LRBA: variants seen among roughly 807,000 people sequenced by gnomAD.
LRBA encodes lipopolysaccharide-responsive and beige-like anchor protein.
Under a neutral mutation model 330.0 loss-of-function variants are expected in LRBA, and 176 were observed. The ratio of observed to expected loss-of-function variants is 0.53; its 90% CI spans 0.47 to 0.60. LRBA has a LOEUF of 0.60. LRBA is among the 20% of genes least tolerant of loss of function. The pLI is 0.00. For missense variants in LRBA, 3,259 were observed against 3,444.8 expected (o/e 0.95, Z 1.35); for synonymous variants, 1,230 against 1,193.0 (o/e 1.03, Z -0.64).
intron 46 of LRBA, among the ~76,000 whole-genome samples, chr4:150,426,557 G>A (rs1561161087): frequency 6.6e-6 from 1 of 151,652 alleles, no homozygotes; most frequent in Non-Finnish European, 1.5e-5. Flanking sequence ...GGCTCATATG[G>A]GATAATGCGG....
chr4:150,610,336 T>A (rs1008670651), intron 37 of LRBA, among the ~76,000 whole-genome samples: 13 of 152,116 alleles, frequency 8.5e-5, no homozygotes, highest in Admixed American at 8.5e-4. Flanking sequence ...ACGCCTATAA[T>A]CCCAGCACTT....
rs1301979836 is a variant in LRBA at position 150,870,599 on chromosome 4, A to G, written c.2375T>C (p.Ile792Thr). 3 of 1,518,752 alleles carry G rather than the reference A, an allele frequency of 2.0e-6. No individual in the cohort carries two copies. The highest frequency in any genetic ancestry group is 2.3e-5 in the East Asian group (1 of 44,314). 94.1% of individuals were successfully genotyped at this position (1,518,752 alleles called of 1,614,324 possible). Residue 792 changes from isoleucine to threonine, a missense_variant, in exon 20 of 57, where the codon ATA (isoleucine) becomes ACA (threonine). Physicochemically the swap from Ile to Thr is moderately conservative, Grantham distance 89. Coordinates refer to ENST00000651943, the MANE Select transcript of LRBA (RefSeq NM_001364905.1). ...TTYNVLFEIL[I>T]EQIGTQVIHK... ...TATCACCTGAGTACCAATCTGTTCT[A>G]TAAGAATCTACAGAAGTAAAACAAT...
intron 37 of LRBA, among the ~76,000 whole-genome samples, chr4:150,663,560 A>G (rs1329039133): frequency 6.6e-6 from 1 of 151,972 alleles, no homozygotes; most frequent in Non-Finnish European, 1.5e-5. Flanking sequence ...TGAAAAAAAA[A>G]AAAGAAGAGA....
rs189939919 is a variant in LRBA at position 150,461,255 on chromosome 4, A to G, written c.6780+6418T>C. The stretch of plus-strand genomic sequence containing the variant: ...AAAACAGAACCAGCAACTGGTGCCA[A>G]AAGTGGAAGGCACTATTGGCATATT... On this transcript the variant is annotated intron_variant, in intron 44 of 56. Coordinates refer to ENST00000651943, the MANE Select transcript of LRBA (RefSeq NM_001364905.1). Among the ~76,000 whole-genome samples, 118 of 151,914 alleles carry G rather than the reference A, an allele frequency of 7.8e-4. 1 individual carries two copies. The highest frequency in any genetic ancestry group is 4.6e-4 in the Non-Finnish European group (31 of 67,792).
intron 40 of LRBA, among the ~76,000 whole-genome samples, chr4:150,536,127 C>G (rs1285762738): frequency 6.6e-6 from 1 of 152,020 alleles, no homozygotes; most frequent in South Asian, 2.1e-4. Context: ...CCTCAACAAG[C>G]CAGTGTTATG....
At chr4:150,387,675 AG>A (rs1743290978) in intron 47 of LRBA, among the ~76,000 whole-genome samples, 1 of 152,172 alleles carries the variant, frequency 6.6e-6, no homozygotes, top group Non-Finnish European at 1.5e-5. Flanking sequence ...TAAGAATTCA[AG>A]GGGTGAGGAG....
chr4:150,913,970 T>C (rs896324629), intron 9 of LRBA, among the ~76,000 whole-genome samples: 2 of 152,202 alleles, frequency 1.3e-5, no homozygotes, highest in African/African-American at 4.8e-5. Context: ...GGAGAACAGA[T>C]ATCCATCCCT....
chr4:150,394,299 A>G (rs1308774441), intron 47 of LRBA, among the ~76,000 whole-genome samples: 2 of 152,216 alleles, frequency 1.3e-5, no homozygotes, highest in Non-Finnish European at 2.9e-5. Context: ...GTATGAATGC[A>G]TATTCATTCA....
At chr4:150,782,859 T>A (rs1449706075) in intron 34 of LRBA, among the ~76,000 whole-genome samples, 5 of 151,944 alleles carry the variant, frequency 3.3e-5, no homozygotes, top group Admixed American at 3.3e-4. Flanking sequence ...AAGTGCAAAT[T>A]CAAAATATGC....
chr4:150,797,645 T>C (rs1465356767), intron 34 of LRBA, among the ~76,000 whole-genome samples: 1 of 152,052 alleles, frequency 6.6e-6, no homozygotes, highest in Non-Finnish European at 1.5e-5. Context: ...AAATCTACTG[T>C]GCATGTCAAA....
At chr4:150,443,969 A>C (rs1752246908) in intron 44 of LRBA, among the ~76,000 whole-genome samples, 1 of 149,368 alleles carries the variant, frequency 6.7e-6, no homozygotes, top group Non-Finnish European at 1.5e-5. Flanking sequence ...CTGCCTCTGC[A>C]AGGCCATTAG....
intron 55 of LRBA, 91 bp downstream of exon 55, chr4:150,282,359 A>G (rs1747640950): frequency 8.6e-7 from 1 of 1,164,148 alleles, no homozygotes; most frequent in South Asian, 1.3e-5. Context: ...CAATCCAAAA[A>G]TAGAGGTTTC....
chr4:150,527,498 G>T (rs778340107), intron 40 of LRBA, among the ~76,000 whole-genome samples: 1 of 152,014 alleles, frequency 6.6e-6, no homozygotes, highest in Non-Finnish European at 1.5e-5. Flanking sequence ...CCAAACAAGG[G>T]ACCAATAAGA....
chr4:150,870,492 G>A (rs1753291300), intron 20 of LRBA, 33 bp downstream of exon 20: 1 of 1,111,532 alleles, frequency 9.0e-7, no homozygotes, highest in African/African-American at 1.5e-5. Context: ...AGTAGCAAAA[G>A]GTAGTTTTTG....
rs1054852323 is a variant in LRBA at position 150,416,738 on chromosome 4, T to A, written c.7042-1148A>T. Among the ~76,000 whole-genome samples the A allele has an allele frequency of 2.6e-5, 4 of 152,110 alleles. 1 individual carries two copies. In the South Asian group the frequency reaches 8.3e-4, roughly 32 times the overall value. On this transcript the variant is annotated intron_variant, in intron 46 of 56. Coordinates refer to ENST00000651943, the MANE Select transcript of LRBA (RefSeq NM_001364905.1). ...CATCTTCAAAAACAATGTATATAAT[T>A]CTAATTGACAAAAGAGGAAAACACA...
intron 34 of LRBA, among the ~76,000 whole-genome samples, chr4:150,780,059 A>ACC (rs1737952406): frequency 6.6e-6 from 1 of 152,204 alleles, no homozygotes; most frequent in South Asian, 2.1e-4. Context: ...ACATGTGGTA[A>ACC]ATAAGCCATA....
At chr4:150,465,173 C>T (rs867605842) in intron 44 of LRBA, among the ~76,000 whole-genome samples, 2 of 152,068 alleles carry the variant, frequency 1.3e-5, no homozygotes, top group African/African-American at 4.8e-5. Context: ...TTGGGACTGG[C>T]TTATTTCACC....
rs1217361496 is a variant in LRBA, at chr4:150,265,593, A to AT, written c.*128dup. On this transcript the variant is annotated 3_prime_UTR_variant, in exon 57 of 57. Transcript: ENST00000651943. ...AGCAAAGACTACAAAAATAGCAATT[A>AT]TTAATAACTTTAAAAAATATTTTGC... 1.3e-5 allele frequency: 8 copies of AT among 635,642 alleles called. No homozygotes were observed. The highest frequency in any genetic ancestry group is 2.3e-5 in the Non-Finnish European group (8 of 352,836). The allele number at this position is 635,642 out of a possible 1,614,324, so 39.4% of individuals were successfully genotyped here.
intron 2 of LRBA, among the ~76,000 whole-genome samples, chr4:151,002,997 G>C (rs961734474): frequency 6.6e-6 from 1 of 152,004 alleles, no homozygotes; most frequent in African/African-American, 2.4e-5. Context: ...CTGGGCAATA[G>C]AGCAAGACCT....
Sources: allele counts gnomAD v4.1 joint callset (sites outside exome capture counted in the v4.1 genomes callset), GRCh38; gene constraint gnomAD v4.1.1; transcripts MANE v1.5; gene names NCBI Gene and HGNC (gene_info 2026-07-23, HGNC 2026-07-21).